The following SZT2 variants were observed in gnomAD, a reference collection of about 807,000 sequenced individuals.
The protein encoded by SZT2 is KICSTOR complex protein SZT2.
A neutral mutation model predicts 404.2 loss-of-function variants in SZT2; 216 were observed. The ratio of observed to expected loss-of-function variants is 0.53; its 90% CI spans 0.48 to 0.60. The LOEUF is 0.60. Ranked by LOEUF, SZT2 falls within the 20% of genes least tolerant of loss-of-function variation. SZT2 has a pLI of 0.00. For missense variants in SZT2, 3,857 were observed against 4,459.2 expected, an observed-to-expected ratio of 0.86 and a Z score of 3.85; for synonymous variants, 1,693 against 1,749.9, an observed-to-expected ratio of 0.97 and a Z score of 0.81.
At chr1:43,436,977 C>A in intron 42 of SZT2, 194 bp from the exon 43 acceptor site, 1 of 651,926 alleles carries the variant, frequency 1.5e-6, no homozygotes, top group Non-Finnish European at 2.6e-6. Flanking sequence ...AGCCTTTGTG[C>A]TATATGACCT....
In SZT2 at chr1:43,453,255, C is replaced by T; in HGVS notation, c.*2775C>T. On this transcript the variant is annotated 3_prime_UTR_variant, in exon 72 of 72. Transcript: ENST00000634258. ...AATACAAAAGGCAATTTACAAAGGA[C>T]CAGGACCGCAGAGGCAGAGATAAAC... The T allele has an allele frequency of 3.0e-6, 2 of 673,502 alleles. No individual in the cohort carries two copies. Among genetic ancestry groups the T allele is most frequent in the South Asian group, 3.7e-5 (2 of 53,604 alleles). The allele number at this position is 673,502 out of a possible 1,614,324, so 41.7% of individuals were successfully genotyped here. A position where few individuals can be genotyped will look rare whatever the true frequency, so the allele number is the denominator to read the frequency against.
In SZT2 at chr1:43,446,942, G is replaced by A; in HGVS notation, c.9073-13G>A. ...CCATACCTTAACCCTGTCTCCTGCT[G>A]CTGCCTCCCCAGCTGTCCATGCTGT... On this transcript the variant is annotated splice_polypyrimidine_tract_variant and intron_variant, in intron 65 of 71. Transcript: ENST00000634258. 2 of 1,603,068 alleles carry A rather than the reference G, an allele frequency of 1.2e-6. No individual in the cohort carries two copies. Among genetic ancestry groups the A allele is most frequent in the East Asian group, 4.5e-5 (2 of 44,616 alleles).
chr1:43,413,500 T>C (rs1651321990), intron 4 of SZT2, among the ~76,000 whole-genome samples: 1 of 152,170 alleles, frequency 6.6e-6, no homozygotes, highest in African/African-American at 2.4e-5. Flanking sequence ...ATATCTGCAC[T>C]CCCATGTTTA....
intron 37 of SZT2, 34 bp from the exon 38 acceptor site, chr1:43,432,483 G>T (rs755576250): frequency 6.3e-7 from 1 of 1,575,304 alleles, no homozygotes; most frequent in Non-Finnish European, 8.6e-7. Context: ...GGTGTGTGGG[G>T]CCTATACCTC....
At chr1:43,422,401 AGAG>A in intron 12 of SZT2, 76 bp from the exon 13 acceptor site, 1 of 1,507,546 alleles carries the variant, frequency 6.6e-7, no homozygotes, top group South Asian at 1.3e-5. Flanking sequence ...AAGGCCTAGA[AGAG>A]AGTGATAGTA....
chr1:43,435,965 C>G (rs1268738842), intron 42 of SZT2: 1 of 152,138 alleles, frequency 6.6e-6, no homozygotes, highest in Non-Finnish European at 1.5e-5. Flanking sequence ...AGGGGAGGAG[C>G]CTGAAGGCCA....
In SZT2 at chr1:43,423,230, A is replaced by T. The variant is rs1327247768; in HGVS notation, c.2169A>T (p.Ser723=). 6 of 1,592,694 alleles carry T rather than the reference A, an allele frequency of 3.8e-6. No individual in the cohort carries two copies. The African/African-American group carries it at 6.7e-5, about 18-fold the overall frequency. The change falls in exon 15 of 72, where the codon TCA becomes TCT. Residue 723 remains serine, a synonymous_variant. Transcript: ENST00000634258. ...GAGGGSSPSK[S]PPVLGPQQAL... ...GTGGGGGCAGCTCTCCCTCCAAGTC[A>T]CCCCCCGTGCTGGGGCCACAGCAGG...
In SZT2 at chr1:43,419,825, A is replaced by T; in HGVS notation, c.971A>T (p.Tyr324Phe). The change falls in exon 8 of 72, where the codon TAC becomes TTC. Residue 324 changes from tyrosine to phenylalanine, a missense_variant. Coordinates refer to ENST00000634258, the MANE Select transcript of SZT2 (RefSeq NM_001365999.1). Reference protein sequence around the residue: ...KFIAMATFGSYLSTCPEPEPG... With the variant: ...KFIAMATFGSFLSTCPEPEPG... The stretch of plus-strand genomic sequence containing the variant: ...ATCGCAATGGCAACATTTGGGTCCT[A>T]CCTGTCCACTTGTCCTGAGCCGGAG... 6.3e-7 allele frequency: 1 copy of T among 1,598,412 alleles called. No homozygotes were observed. The highest frequency in any genetic ancestry group is 8.5e-7 in the Non-Finnish European group (1 of 1,179,808).
rs150966402 is a variant in SZT2, at chr1:43,427,316, C to T, written c.3469C>T (p.Pro1157Ser). 1,160 of 1,612,990 alleles carry T rather than the reference C, an allele frequency of 7.2e-4. 26 individuals are homozygous for T. In the East Asian group the frequency reaches 0.024, roughly 33 times the overall value. The change falls in exon 25 of 72, where the codon CCC becomes TCC. Residue 1157 changes from proline to serine, a missense_variant. Pro to Ser is a moderately conservative substitution (Grantham distance 74, BLOSUM62 -1). Transcript: ENST00000634258. ...QRLAACGLEG[P>S]PQEETKPKFG... ...TCTGGCTGCCTGTGGCCTGGAGGGACCCCCTCAAGAGGAGACAAAGCCTAA... is the reference window on the plus strand; with the variant it reads ...TCTGGCTGCCTGTGGCCTGGAGGGATCCCCTCAAGAGGAGACAAAGCCTAA...
At position 43,437,640 on chromosome 1, in the gene SZT2, G is replaced by A. The variant is rs751306855; in HGVS notation, c.6336G>A (p.Ala2112=). ...SCSDRPWKGD[A]LPPSLALSRS... ...GTGACCGGCCATGGAAAGGGGATGC[G>A]CTGCCCCCTTCCCTCGCTCTGTCCC... Residue 2112 remains alanine (A), a synonymous_variant, in exon 45 of 72, where the codon GCG becomes GCA. Transcript: ENST00000634258. The surrounding 1 kb of genome is among the most constrained non-coding windows in gnomAD (Gnocchi z 5.3). 9.9e-6 allele frequency: 16 copies of A among 1,613,920 alleles called. 1 individual carries two copies. The highest frequency in any genetic ancestry group is 8.3e-5 in the Admixed American group (5 of 59,992).
At position 43,424,389 on chromosome 1, in the gene SZT2, C is replaced by T. The variant is rs1479317205; in HGVS notation, c.2428C>T (p.Leu810=). 5 of 1,597,966 alleles carry T rather than the reference C, an allele frequency of 3.1e-6. No homozygotes were observed. Among genetic ancestry groups the T allele is most frequent in the Non-Finnish European group, 4.2e-6 (5 of 1,179,610 alleles). ...TGTCCCGTCAGGACTGGCCCCTGCG[C>T]TGCCTCTCAGTGCCATTGCCCAGCT... The part of the protein sequence containing the change: ...WSVPSGLAPA[L]PLSAIAQLLS... Residue 810 remains leucine (L), a synonymous_variant, in exon 16 of 72, where the codon CTG becomes TTG. Transcript: ENST00000634258. This position sits in a 1 kb window ranked among gnomAD's most constrained non-coding sequence, Gnocchi z 4.1.
chr1:43,430,404 G>A lies in SZT2; in HGVS notation c.4480+15G>A, dbSNP rs370648260. On this transcript the variant is annotated intron_variant, in intron 31 of 71. Transcript: ENST00000634258. ...GGGAGAAGAAGGTATGTGGGCAAGT[G>A]AGTCAAGGTGGGGAAGGCTGGCTGC... The A allele has an allele frequency of 1.2e-6, 2 of 1,605,650 alleles. No individual in the cohort carries two copies. Among genetic ancestry groups the A allele is most frequent in the Non-Finnish European group, 1.7e-6 (2 of 1,175,366 alleles).
At chr1:43,392,067 G>C (rs1469873422) in intron 1 of SZT2, among the ~76,000 whole-genome samples, 1 of 98,264 alleles carries the variant, frequency 1.0e-5, no homozygotes, top group African/African-American at 3.9e-5. Context: ...CTGGGCGACA[G>C]AGCGAGACTC....
At chr1:43,398,065 C>T (rs112381799) in intron 1 of SZT2, among the ~76,000 whole-genome samples, 21 of 152,308 alleles carry the variant, frequency 1.4e-4, no homozygotes, top group Admixed American at 1.2e-3. Context: ...CCTGGCCTTA[C>T]GTGGGCCAAA....
intron 70 of SZT2, chr1:43,449,849 G>A: frequency 8.6e-6 from 5 of 582,564 alleles, no homozygotes; most frequent in South Asian, 3.9e-5. Context: ...TGGCTTCAGT[G>A]TGCCAGGCTC....
intron 1 of SZT2, among the ~76,000 whole-genome samples, chr1:43,401,777 C>T (rs1398321578): frequency 6.6e-5 from 10 of 152,140 alleles, no homozygotes; most frequent in African/African-American, 1.9e-4. Context: ...TGAGCCACTG[C>T]GCCCAGCCCT....
At chr1:43,394,889 A>G (rs1237768163) in intron 1 of SZT2, among the ~76,000 whole-genome samples, 3 of 152,174 alleles carry the variant, frequency 2.0e-5, no homozygotes, top group African/African-American at 7.2e-5. Context: ...CAAAAAAAAA[A>G]AAAAGAAAAG....
Position 43,452,690 on chromosome 1 carries a change from C to T in SZT2, c.*2210C>T, listed in dbSNP as rs1656573465. 6 of 610,748 alleles carry T rather than the reference C, an allele frequency of 9.8e-6. No individual in the cohort carries two copies. Among genetic ancestry groups the T allele is most frequent in the South Asian group, 9.7e-5 (5 of 51,528 alleles). The allele number at this position is 610,748 out of a possible 1,614,324, so 37.8% of individuals were successfully genotyped here. A position where few individuals can be genotyped will look rare whatever the true frequency, so the allele number is the denominator to read the frequency against. ...TCTCTACTTCCTCTCCTCGCATCTA[C>T]TTAGCCTTTTCCCATCTGTTTTCTG... On this transcript the variant is annotated 3_prime_UTR_variant, in exon 72 of 72. Transcript: ENST00000634258.
chr1:43,419,393 AC>A (rs1440238400), intron 7 of SZT2, among the ~76,000 whole-genome samples: 1 of 152,194 alleles, frequency 6.6e-6, no homozygotes, highest in Non-Finnish European at 1.5e-5. Flanking sequence ...TTTTTCATAC[AC>A]CCTAAAGTTT....
Sources: gnomAD v4.1 joint callset for allele counts (sites outside exome capture counted in the v4.1 genomes callset) on GRCh38, gnomAD v4.1.1 for gene constraint, Gnocchi (gnomAD v3.1) non-coding constraint, MANE v1.5 for transcripts, NCBI Gene and HGNC (gene_info 2026-07-23, HGNC 2026-07-21) for gene names.